ASPSCR1: variants seen among roughly 807,000 people sequenced by gnomAD.
The protein encoded by ASPSCR1 is tether containing UBX domain for GLUT4.
A neutral mutation model predicts 68.9 loss-of-function variants in ASPSCR1; 55 were observed. The ratio of observed to expected loss-of-function variants is 0.80; its 90% CI spans 0.64 to 1.00. The LOEUF (loss-of-function observed/expected upper bound fraction) is 1.00, where lower values mean the gene tolerates loss of function less well. Ranked by LOEUF, ASPSCR1 falls within the 50% of genes least tolerant of loss-of-function variation. The probability of loss-of-function intolerance (pLI) is 0.00; values close to 1 mark genes in which losing one functional copy is unlikely to be tolerated. For synonymous variants in ASPSCR1, 352 were observed against 332.6 expected (o/e 1.06, Z -0.63); for missense variants, 765 against 762.2 (o/e 1.00, Z -0.04).
intron 12 of ASPSCR1, chr17:82,015,344 G>C: frequency 1.3e-6 from 2 of 1,597,938 alleles, no homozygotes; most frequent in Non-Finnish European, 1.7e-6. Context: ...ACAAGCACGT[G>C]GGGACAGGCC....
At chr17:82,002,451 T>A (rs2042569261) in intron 7 of ASPSCR1, among the ~76,000 whole-genome samples, 1 of 152,064 alleles carries the variant, frequency 6.6e-6, no homozygotes, top group African/African-American at 2.4e-5. Context: ...GAAGGGGTTT[T>A]GCCATGTTGG....
intron 2 of ASPSCR1, among the ~76,000 whole-genome samples, chr17:81,981,563 G>C (rs1347559717): frequency 6.6e-6 from 1 of 152,114 alleles, no homozygotes; most frequent in Non-Finnish European, 1.5e-5. Flanking sequence ...ATTTTTAGTA[G>C]GGACGGGGTT....
intron 1 of ASPSCR1, chr17:81,978,942 C>CT (rs1332166045): frequency 1.4e-5 from 8 of 581,740 alleles, no homozygotes; most frequent in African/African-American, 1.1e-4. Context: ...CAGGGGAACT[C>CT]TGAGTGGAGC....
rs576868914 is a variant in ASPSCR1 at position 81,978,897 on chromosome 17, G to A, written c.103-287G>A. 119 of 518,526 alleles carry A rather than the reference G, an allele frequency of 2.3e-4. 1 individual carries two copies. Among genetic ancestry groups the A allele is most frequent in the African/African-American group, 2.2e-3 (112 of 52,036 alleles). The allele number at this position is 518,526 out of a possible 1,614,324, so 32.1% of individuals were successfully genotyped here. The stretch of plus-strand genomic sequence containing the variant: ...TACAGGGTTTGAAGGAGAGCCCAGG[G>A]TGTGTGCCAGGAAGATGCCCGTGTT... On this transcript the variant is annotated intron_variant, in intron 1 of 15. Transcript: ENST00000306739.
intron 7 of ASPSCR1, among the ~76,000 whole-genome samples, chr17:81,997,559 C>T (rs1015622920): frequency 1.3e-5 from 2 of 148,572 alleles, no homozygotes; most frequent in African/African-American, 5.0e-5. Context: ...GCGATCTCGG[C>T]TCACTGCAGC....
At chr17:82,015,134 G>A in intron 12 of ASPSCR1, 2 of 1,598,308 alleles carry the variant, frequency 1.3e-6, no homozygotes, top group Middle Eastern at 1.7e-4. Flanking sequence ...AACGGTGCCT[G>A]GGACCAGAGC....
Position 82,009,562 on chromosome 17 carries a change from C to T in ASPSCR1, c.1165C>T (p.Pro389Ser). 1 of 1,579,712 alleles carries T rather than the reference C, an allele frequency of 6.3e-7. No homozygotes were observed. Among genetic ancestry groups the T allele is most frequent in the Non-Finnish European group, 8.6e-7 (1 of 1,163,434 alleles). ...AQIKEKLERY[P>S]KVALRVLFPD... ...GATAAAGGAGAAGCTGGAGCGCTAC[C>T]CAAAGGTCTGCAGACAGGATGTGGG... Residue 389 changes from proline to serine, a missense_variant, in exon 9 of 16, where the codon CCA (proline) becomes TCA (serine). Pro to Ser is a moderately conservative substitution (Grantham distance 74). Transcript: ENST00000306739.
chr17:81,984,901 A>C (rs1598389328), intron 3 of ASPSCR1, among the ~76,000 whole-genome samples: 1 of 64,378 alleles, frequency 1.6e-5, no homozygotes, highest in Admixed American at 2.4e-4. Flanking sequence ...ACACACCCAC[A>C]CACACCCCTA....
intron 7 of ASPSCR1, among the ~76,000 whole-genome samples, chr17:82,002,866 T>C (rs144807549): frequency 6.8e-6 from 1 of 148,008 alleles, no homozygotes; most frequent in East Asian, 2.0e-4. Context: ...CCTGTTTTCA[T>C]CTTTTTAAAA....
chr17:81,982,171 A>G (rs1476567286), intron 2 of ASPSCR1, among the ~76,000 whole-genome samples: 5 of 141,634 alleles, frequency 3.5e-5, no homozygotes, highest in Non-Finnish European at 7.7e-5. Context: ...GTTTCACCAC[A>G]TTGGCCAGAC....
In ASPSCR1 at chr17:81,994,824, G is replaced by A. The variant is rs116149334; in HGVS notation, c.378G>A (p.Glu126=). The part of the protein sequence containing the change: ...ELLSHFPQIR[E]CLQHPGGATP... ...GGTTTCTTTCCTCTCCTCCCAGGGA[G>A]TGCCTGCAGCACCCCGGCGGGGCCA... The change falls in exon 5 of 16, where the codon GAG becomes GAA. Residue 126 remains glutamate, a synonymous_variant. Coordinates refer to ENST00000306739, the MANE Select transcript of ASPSCR1 (RefSeq NM_024083.4). 50,832 of 1,613,252 alleles carry A rather than the reference G, an allele frequency of 0.032. 1,014 individuals carry two copies. The highest frequency in any genetic ancestry group is 0.085 in the African/African-American group (6,367 of 75,048).
At chr17:82,016,443 A>G in intron 12 of ASPSCR1, 33 bp from the exon 13 acceptor site, 4 of 1,539,720 alleles carry the variant, frequency 2.6e-6, no homozygotes, top group Non-Finnish European at 1.8e-6. Flanking sequence ...CTCTGCCCAC[A>G]CCCGGCCCCT....
At chr17:82,011,010 C>A in intron 10 of ASPSCR1, 142 bp downstream of exon 10, 1 of 987,550 alleles carries the variant, frequency 1.0e-6, no homozygotes. Context: ...GCTGATGTCC[C>A]CTTGGGGGTG....
At chr17:81,992,244 A>C (rs774044426) in intron 4 of ASPSCR1, among the ~76,000 whole-genome samples, 39 of 151,698 alleles carry the variant, frequency 2.6e-4, no homozygotes, top group Non-Finnish European at 5.2e-4. Context: ...TGCGTGGGGG[A>C]GGGGGAGTAG....
Position 81,983,761 on chromosome 17 carries a change from A to T in ASPSCR1, c.273+93A>T. Reference sequence around the variant, plus strand: ...GACGGGACAGTGGGGGGTGCTGGGGAAGGAGGGACATGAGTCTTAGCACCA... The same window carrying T: ...GACGGGACAGTGGGGGGTGCTGGGGTAGGAGGGACATGAGTCTTAGCACCA... On this transcript the variant is annotated intron_variant, in intron 3 of 15. Transcript: ENST00000306739. This position sits in a 1 kb window ranked among gnomAD's most constrained non-coding sequence, Gnocchi z 4.4. 1 of 1,090,584 alleles carries T rather than the reference A, an allele frequency of 9.2e-7. No homozygotes were observed. The highest frequency in any genetic ancestry group is 1.3e-6 in the Non-Finnish European group (1 of 742,724). 67.6% of individuals were successfully genotyped at this position (1,090,584 alleles called of 1,614,324 possible). A position where few individuals can be genotyped will look rare whatever the true frequency, so the allele number is the denominator to read the frequency against.
intron 4 of ASPSCR1, 48 bp from the exon 5 acceptor site, chr17:81,994,773 G>A (rs1174578275): frequency 1.0e-5 from 16 of 1,591,176 alleles, no homozygotes; most frequent in Middle Eastern, 1.7e-4. Flanking sequence ...CCGTGGCACT[G>A]GTTGAGCTGC....
At chr17:82,009,264 T>A in intron 8 of ASPSCR1, 73 bp downstream of exon 8, 1 of 1,494,816 alleles carries the variant, frequency 6.7e-7, no homozygotes, top group South Asian at 1.3e-5. Flanking sequence ...TGCTGCCCGC[T>A]GTCCCCAGTG....
At chr17:82,002,003 C>CTTTTTTT (rs71166183) in intron 7 of ASPSCR1, among the ~76,000 whole-genome samples, 4 of 93,808 alleles carry the variant, frequency 4.3e-5, no homozygotes, top group Admixed American at 1.4e-4. Flanking sequence ...TTTCTTTTTC[C>CTTTTTTT]TTTTTTTTTT....
chr17:81,994,565 G>T (rs955506572), intron 4 of ASPSCR1, among the ~76,000 whole-genome samples: 1 of 152,182 alleles, frequency 6.6e-6, no homozygotes, highest in Non-Finnish European at 1.5e-5. Context: ...TGGAGGTCTC[G>T]GGGGGAGCCC....
Sources: gnomAD v4.1 joint callset for allele counts (sites outside exome capture counted in the v4.1 genomes callset) on GRCh38, gnomAD v4.1.1 for gene constraint, Gnocchi (gnomAD v3.1) non-coding constraint, MANE v1.5 for transcripts, NCBI Gene and HGNC (gene_info 2026-07-23, HGNC 2026-07-21) for gene names.